The following DCAF8 variants were observed in gnomAD, a reference collection of about 807,000 sequenced individuals.
DCAF8 encodes the protein DDB1- and CUL4-associated factor 8.
In DCAF8, 20 loss-of-function variants were observed where a neutral mutation model predicts 68.0. The observed-to-expected ratio is 0.29, with a 90% CI of 0.21 to 0.43. The LOEUF (loss-of-function observed/expected upper bound fraction) is 0.43. Among genes scored for constraint, DCAF8 ranks in the 20% least tolerant of loss-of-function variants. The pLI is 1.00. For synonymous variants in DCAF8, 230 were observed against 276.9 expected (o/e 0.83, Z 1.68); for missense variants, 460 against 771.0 (o/e 0.60, Z 4.78).
At position 160,237,813 on chromosome 1, in the gene DCAF8, T is replaced by C. The variant is rs113168576; in HGVS notation, c.865-584A>G. The stretch of plus-strand genomic sequence containing the variant: ...CCTCAGCCTCCCAAAGTATTGGGAT[T>C]ACAGGCATAAGCCACCACACCCAGC... On this transcript the variant is annotated intron_variant, in intron 5 of 13. Transcript: ENST00000368074. 7.6e-3 allele frequency among the ~76,000 whole-genome samples: 1,155 copies of C among 152,284 alleles called. 21 individuals carry two copies. The highest frequency in any genetic ancestry group is 0.026 in the African/African-American group (1,100 of 41,552).
chr1:160,246,642 G>C (rs1656352744), intron 2 of DCAF8, among the ~76,000 whole-genome samples: 2 of 152,092 alleles, frequency 1.3e-5, no homozygotes, highest in African/African-American at 4.8e-5. Flanking sequence ...ATCAGTCAAG[G>C]AGGCAGAGAT....
chr1:160,238,841 C>G, intron 4 of DCAF8, 94 bp from the exon 5 acceptor site: 3 of 1,271,894 alleles, frequency 2.4e-6, no homozygotes, highest in Non-Finnish European at 3.2e-6. Flanking sequence ...AACTTACCCC[C>G]TTTTCTTACA....
chr1:160,252,286 A>T (rs1314853064), intron 2 of DCAF8, among the ~76,000 whole-genome samples: 1 of 152,246 alleles, frequency 6.6e-6, no homozygotes, highest in Non-Finnish European at 1.5e-5. Context: ...TCATTTTTTA[A>T]AAAGATAAAT....
chr1:160,260,382 T>C (rs922687089), intron 2 of DCAF8, among the ~76,000 whole-genome samples: 5 of 152,244 alleles, frequency 3.3e-5, no homozygotes, highest in African/African-American at 1.2e-4. Context: ...ATATACACCA[T>C]CACTAATAAT....
chr1:160,237,517 G>A (rs1655937318), intron 5 of DCAF8, among the ~76,000 whole-genome samples: 1 of 152,044 alleles, frequency 6.6e-6, no homozygotes, highest in South Asian at 2.1e-4. Context: ...AAAAACATCA[G>A]CCATTAGAGT....
intron 6 of DCAF8, among the ~76,000 whole-genome samples, chr1:160,233,315 G>A (rs1337227171): frequency 2.0e-5 from 3 of 152,144 alleles, no homozygotes; most frequent in African/African-American, 4.8e-5. Context: ...TTGGGAGACT[G>A]AGGTGGGAGG....
intron 2 of DCAF8, among the ~76,000 whole-genome samples, chr1:160,255,508 G>A (rs1334984361): frequency 6.6e-6 from 1 of 152,178 alleles, no homozygotes; most frequent in African/African-American, 2.4e-5. Context: ...TAATGATGAG[G>A]ATTCAAACTA....
At chr1:160,254,831 T>C (rs1249845488) in intron 2 of DCAF8, among the ~76,000 whole-genome samples, 3 of 151,990 alleles carry the variant, frequency 2.0e-5, no homozygotes, top group African/African-American at 4.8e-5. Context: ...AAAGACAGCA[T>C]GTGTTATGAA....
intron 2 of DCAF8, among the ~76,000 whole-genome samples, chr1:160,253,843 A>G (rs1265749044): frequency 6.6e-6 from 1 of 151,640 alleles, no homozygotes; most frequent in Non-Finnish European, 1.5e-5. Flanking sequence ...CAAACAAAAA[A>G]ACCAAGAAGG....
At chr1:160,217,881 C>T in intron 13 of DCAF8, 173 bp from the exon 14 acceptor site, 1 of 565,214 alleles carries the variant, frequency 1.8e-6, no homozygotes, top group Non-Finnish European at 3.1e-6. Flanking sequence ...TGCAACTATT[C>T]AACTCATTGT....
At position 160,237,700 on chromosome 1, in the gene DCAF8, C is replaced by A. The variant is rs189020411; in HGVS notation, c.865-471G>T. On this transcript the variant is annotated intron_variant, in intron 5 of 13. Coordinates refer to ENST00000368074, the MANE Select transcript of DCAF8 (RefSeq NM_015726.4). ...AGGCACTATACCTGGCTAATTTTTT[C>A]GCTTTTTTTTTGTTTGTTTTCCACA... 3.3e-3 allele frequency among the ~76,000 whole-genome samples: 499 copies of A among 151,972 alleles called. 13 individuals carry two copies. Among genetic ancestry groups the A allele is most frequent in the East Asian group, 1.7e-3 (9 of 5,158 alleles).
intron 7 of DCAF8, among the ~76,000 whole-genome samples, chr1:160,229,950 G>C (rs947509692): frequency 3.3e-5 from 5 of 152,122 alleles, no homozygotes; most frequent in Non-Finnish European, 7.3e-5. Flanking sequence ...TTGAACCCGG[G>C]AAGCGGAGGT....
intron 7 of DCAF8, among the ~76,000 whole-genome samples, chr1:160,230,723 C>A (rs188089715): frequency 6.6e-6 from 1 of 152,042 alleles, no homozygotes; most frequent in Non-Finnish European, 1.5e-5. Context: ...TTAGCTGCCA[C>A]GTGAGGACCT....
At chr1:160,224,914 T>C in intron 9 of DCAF8, 148 bp downstream of exon 9, 1 of 744,518 alleles carries the variant, frequency 1.3e-6, no homozygotes, top group African/African-American at 1.7e-5. Context: ...CCTCCCGCTA[T>C]GTGCTCACCA....
intron 5 of DCAF8, 79 bp from the exon 6 acceptor site, chr1:160,237,308 G>A: frequency 2.0e-6 from 2 of 979,398 alleles, no homozygotes; most frequent in Non-Finnish European, 3.0e-6. Flanking sequence ...ATAACTTTGG[G>A]AAGGGCTGCA....
intron 6 of DCAF8, among the ~76,000 whole-genome samples, chr1:160,233,425 G>C (rs1198359658): frequency 6.6e-6 from 1 of 152,108 alleles, no homozygotes; most frequent in African/African-American, 2.4e-5. Flanking sequence ...AATACAGAGG[G>C]CACTGAAAAT....
At chr1:160,236,341 TATATGTGTGTAC>T (rs1241799143) in intron 6 of DCAF8, among the ~76,000 whole-genome samples, 2 of 152,004 alleles carry the variant, frequency 1.3e-5, no homozygotes, top group Non-Finnish European at 2.9e-5. Flanking sequence ...CATATGTGTG[TATATGTGTGTAC>T]ATATGTGTGT....
chr1:160,248,576 TACAAAAAA>T (rs1306564932), intron 2 of DCAF8, among the ~76,000 whole-genome samples: 2 of 150,502 alleles, frequency 1.3e-5, no homozygotes, highest in Non-Finnish European at 3.0e-5. Flanking sequence ...TTTACTAAAA[TACAAAAAA>T]ATTAGGCAGG....
intron 10 of DCAF8, among the ~76,000 whole-genome samples, chr1:160,223,229 G>T (rs1655356315): frequency 6.6e-6 from 1 of 152,180 alleles, no homozygotes; most frequent in South Asian, 2.1e-4. Context: ...AGAAGCAAGT[G>T]ATCTGTGCTT....
Sources: allele counts gnomAD v4.1 joint callset (sites outside exome capture counted in the v4.1 genomes callset), GRCh38; gene constraint gnomAD v4.1.1; transcripts MANE v1.5; gene names NCBI Gene and HGNC (gene_info 2026-07-23, HGNC 2026-07-21).